NUMB: variants seen among roughly 807,000 people sequenced by gnomAD.
The protein encoded by NUMB is NUMB endocytic adaptor protein.
Under a neutral mutation model 59.7 loss-of-function variants are expected in NUMB, and 29 were observed. The observed-to-expected ratio is 0.49, with a 90% CI of 0.36 to 0.66. The LOEUF (loss-of-function observed/expected upper bound fraction) is 0.66. Ranked by LOEUF, NUMB falls within the 30% of genes least tolerant of loss-of-function variation. The probability of loss-of-function intolerance (pLI) is 0.00; values close to 1 mark genes in which losing one functional copy is unlikely to be tolerated. For missense variants in NUMB, 723 were observed against 822.0 expected, an observed-to-expected ratio of 0.88 and a Z score of 1.47; for synonymous variants, 288 against 288.2, an observed-to-expected ratio of 1.00 and a Z score of 0.01.
At chr14:73,286,256 AC>A (rs1205772819) in intron 9 of NUMB, 1 of 136,826 alleles carries the variant, frequency 7.3e-6, no homozygotes, top group Non-Finnish European at 1.5e-5. Flanking sequence ...CAGTCTGGTC[AC>A]AAACTCCTGG....
intron 3 of NUMB, among the ~76,000 whole-genome samples, chr14:73,366,629 A>G (rs1004594971): frequency 2.0e-5 from 3 of 152,218 alleles, no homozygotes; most frequent in Non-Finnish European, 4.4e-5. Flanking sequence ...GTCACACAAC[A>G]AGTAAATGAA....
chr14:73,350,078 T>TACACACACACACACACACAC (rs71112732), intron 4 of NUMB, among the ~76,000 whole-genome samples: 1 of 137,696 alleles, frequency 7.3e-6, no homozygotes, highest in African/African-American at 2.9e-5. Context: ...CATACATACA[T>TACACACACACACACACACAC]ACACACACAC....
chr14:73,297,621 A>G, intron 6 of NUMB: 1 of 191,874 alleles, frequency 5.2e-6, no homozygotes, highest in South Asian at 1.1e-4. Flanking sequence ...AAAAAAATCA[A>G]CCAAGAAAAC....
chr14:73,367,348 T>TATATATAGAGAGAGAGAG lies in NUMB; in HGVS notation c.-100-368_-100-367insCTCTCTCTCTCTATATAT, dbSNP rs1555375287. On this transcript the variant is annotated intron_variant, in intron 2 of 12. Coordinates refer to ENST00000555238, the MANE Select transcript of NUMB (RefSeq NM_001005743.2). ...ATATATACATATATATATATATATA[T>TATATATAGAGAGAGAGAG]AGAGAGAGAGAGAGAGAGAGAGAGA... Among the ~76,000 whole-genome samples the TATATATAGAGAGAGAGAG allele has an allele frequency of 2.5e-3, 260 of 105,282 alleles. 2 individuals carry two copies. Among genetic ancestry groups the TATATATAGAGAGAGAGAG allele is most frequent in the African/African-American group, 9.0e-3 (179 of 19,962 alleles). The allele number at this position is 105,282 out of a possible 152,430, so 69.1% of individuals were successfully genotyped here.
At chr14:73,411,864 T>C (rs910312373) in intron 1 of NUMB, among the ~76,000 whole-genome samples, 2 of 151,782 alleles carry the variant, frequency 1.3e-5, no homozygotes, top group African/African-American at 4.8e-5. Flanking sequence ...GCAAAATAAA[T>C]TCACCAGACA....
intron 2 of NUMB, among the ~76,000 whole-genome samples, chr14:73,387,566 C>A (rs1339767809): frequency 6.6e-6 from 1 of 151,908 alleles, no homozygotes; most frequent in Non-Finnish European, 1.5e-5. Context: ...TCTGGCACAA[C>A]TGTAAGTTTC....
Position 73,282,441 on chromosome 14 carries a change from G to A in NUMB, c.1014C>T (p.Phe338=). Residue 338 remains phenylalanine, a synonymous_variant, in exon 11 of 13, where the codon TTC becomes TTT. Coordinates refer to ENST00000555238, the MANE Select transcript of NUMB (RefSeq NM_001005743.2). ...ATGAGAAGGGGTCCTCAGGTGTGCT[G>A]AAGGCATTGGTGATCTGTGAGCACA... The part of the protein sequence containing the change: ...SSLCSQITNA[F]STPEDPFSSA... 1.2e-6 allele frequency: 2 copies of A among 1,614,202 alleles called. No homozygotes were observed. Among genetic ancestry groups the A allele is most frequent in the Non-Finnish European group, 1.7e-6 (2 of 1,180,026 alleles).
rs531563159 is a variant in NUMB, at chr14:73,328,004, G to A, written c.127-4800C>T. ...AGAATTATCATATTGGCTGGGCGTG[G>A]TGGCTCACGCCTGTAATCCCAGCAC... On this transcript the variant is annotated intron_variant, in intron 4 of 12. Transcript: ENST00000555238. Among the ~76,000 whole-genome samples, 17 of 152,294 alleles carry A rather than the reference G, an allele frequency of 1.1e-4. No individual in the cohort carries two copies. In the South Asian group the frequency reaches 2.5e-3, roughly 22 times the overall value.
At chr14:73,329,394 T>C (rs1182052098) in intron 4 of NUMB, among the ~76,000 whole-genome samples, 2 of 152,218 alleles carry the variant, frequency 1.3e-5, no homozygotes, top group Non-Finnish European at 2.9e-5. Flanking sequence ...TATATAGTAG[T>C]GCTAAATACA....
At chr14:73,362,753 T>C (rs754024054) in intron 3 of NUMB, among the ~76,000 whole-genome samples, 3 of 152,014 alleles carry the variant, frequency 2.0e-5, no homozygotes, top group Non-Finnish European at 2.9e-5. Flanking sequence ...CTATTATAAA[T>C]AGAAAATCAG....
Position 73,276,642 on chromosome 14 carries a change from G to A in NUMB, c.1892C>T (p.Thr631Ile). 1.9e-6 allele frequency: 3 copies of A among 1,614,230 alleles called. No individual in the cohort carries two copies. The East Asian group carries it at 6.7e-5, about 36-fold the overall frequency. The change falls in exon 13 of 13, where the codon ACT (threonine) becomes ATT (isoleucine). Residue 631 changes from threonine (T) to isoleucine (I), a missense_variant. This residue lies in a region of NUMB where 406 missense variants were observed against 385.4 expected (regional missense o/e 1.05). Coordinates refer to ENST00000555238, the MANE Select transcript of NUMB (RefSeq NM_001005743.2). ...GAAAGGGTTGGTAGGGGAGGGATTA[G>A]TACGCTGCTTGGACTTATTTTCTAA... The part of the protein sequence containing the change: ...AALENKSKQR[T>I]NPSPTNPFSS...
chr14:73,447,716 T>C lies in NUMB; in HGVS notation c.-233+10777A>G, dbSNP rs754558780. On this transcript the variant is annotated intron_variant, in intron 1 of 12. Coordinates refer to ENST00000555238, the MANE Select transcript of NUMB (RefSeq NM_001005743.2). Reference sequence around the variant, plus strand: ...AGAAAAAATAAAGAACAACATTTGATGTAACATGTTAACATTTTTATAAAT... The same window carrying C: ...AGAAAAAATAAAGAACAACATTTGACGTAACATGTTAACATTTTTATAAAT... Among the ~76,000 whole-genome samples the C allele has an allele frequency of 2.0e-5, 3 of 150,456 alleles. No homozygotes were observed. In the South Asian group the frequency reaches 6.3e-4, roughly 32 times the overall value.
At chr14:73,436,934 G>T (rs1487632804) in intron 1 of NUMB, among the ~76,000 whole-genome samples, 1 of 149,886 alleles carries the variant, frequency 6.7e-6, no homozygotes, top group Non-Finnish European at 1.5e-5. Flanking sequence ...AACTGAGATC[G>T]TATCACTGCA....
chr14:73,365,061 A>C (rs964569975), intron 3 of NUMB, among the ~76,000 whole-genome samples: 1 of 152,166 alleles, frequency 6.6e-6, no homozygotes, highest in Non-Finnish European at 1.5e-5. Context: ...TTTTTCTTTA[A>C]GACAATCTCG....
chr14:73,382,257 C>T lies in NUMB; in HGVS notation c.-100-15276G>A, dbSNP rs923432806. On this transcript the variant is annotated intron_variant, in intron 2 of 12. Coordinates refer to ENST00000555238, the MANE Select transcript of NUMB (RefSeq NM_001005743.2). ...CGCCTCCTGGGTTCGAGTGATTCTC[C>T]TGCCTCAGCCTCCTGAGCAGCTGGG... Among the ~76,000 whole-genome samples, 3 of 152,268 alleles carry T rather than the reference C, an allele frequency of 2.0e-5. No individual in the cohort carries two copies. The East Asian group carries it at 5.8e-4, about 29-fold the overall frequency.
At chr14:73,409,728 C>A (rs893790975) in intron 2 of NUMB, 9 of 152,176 alleles carry the variant, frequency 5.9e-5, no homozygotes, top group African/African-American at 2.2e-4. Context: ...TTTAATTATT[C>A]TAAGTTTTAC....
chr14:73,372,523 AAT>A (rs1252997770), intron 2 of NUMB, among the ~76,000 whole-genome samples: 1 of 149,894 alleles, frequency 6.7e-6, no homozygotes, highest in Non-Finnish European at 1.5e-5. Context: ...CATAGATATG[AAT>A]AGATATTAAA....
intron 1 of NUMB, among the ~76,000 whole-genome samples, chr14:73,449,925 T>C (rs1323308141): frequency 2.6e-5 from 4 of 152,170 alleles, no homozygotes. Flanking sequence ...TGACCTCAGG[T>C]GATCCGCCCA....
intron 2 of NUMB, among the ~76,000 whole-genome samples, chr14:73,406,419 T>C (rs1191978024): frequency 6.6e-6 from 1 of 152,072 alleles, no homozygotes; most frequent in Non-Finnish European, 1.5e-5. Flanking sequence ...ACAAAGGACA[T>C]GAACTCATCC....
Sources: allele counts gnomAD v4.1 joint callset (sites outside exome capture counted in the v4.1 genomes callset), GRCh38; gene constraint gnomAD v4.1.1; regional missense constraint gnomAD v4.1.1; transcripts MANE v1.5; gene names NCBI Gene and HGNC (gene_info 2026-07-23, HGNC 2026-07-21).